The following ANO4 variants were observed in gnomAD, a reference collection of about 807,000 sequenced individuals.
ANO4 encodes anoctamin 4.
Under a neutral mutation model 141.9 loss-of-function variants are expected in ANO4, and 69 were observed. The observed-to-expected ratio is 0.49, with a 90% CI of 0.40 to 0.59. The LOEUF (loss-of-function observed/expected upper bound fraction) is 0.59. ANO4 is among the 20% of genes least tolerant of loss of function. The pLI is 0.00. For synonymous variants in ANO4, 350 were observed against 394.3 expected (o/e 0.89, Z 1.33); for missense variants, 894 against 1,162.2 (o/e 0.77, Z 3.36).
intron 14 of ANO4, among the ~76,000 whole-genome samples, chr12:101,059,463 A>G (rs2048259379): frequency 6.6e-6 from 1 of 152,220 alleles, no homozygotes; most frequent in African/African-American, 2.4e-5. Context: ...TACCTGTGGT[A>G]GAATTCAGCT....
intron 14 of ANO4, among the ~76,000 whole-genome samples, chr12:101,054,568 C>T (rs1174196180): frequency 2.0e-5 from 3 of 152,214 alleles, no homozygotes; most frequent in African/African-American, 4.8e-5. Flanking sequence ...GGCACAATCT[C>T]GGCTCATTGC....
chr12:100,931,170 G>A (rs148087626), intron 3 of ANO4, among the ~76,000 whole-genome samples: 7 of 152,176 alleles, frequency 4.6e-5, no homozygotes, highest in Admixed American at 2.0e-4. Context: ...GGGCTTGCTC[G>A]TGTCATATAC....
In ANO4 at chr12:100,888,050, T is replaced by A. The variant is rs577441242; in HGVS notation, c.-140-13596T>A. 9.2e-5 allele frequency among the ~76,000 whole-genome samples: 14 copies of A among 152,170 alleles called. No homozygotes were observed. The East Asian group carries it at 2.5e-3, about 27-fold the overall frequency. On this transcript the variant is annotated intron_variant, in intron 1 of 27. Transcript: ENST00000392977. ...TTAAGTATCACAGGGTGAGACAAAG[T>A]GAGAAATTCAGGATTTAGATTGGCA...
chr12:100,722,055 G>A (rs1466900267), intron 1 of ANO4, among the ~76,000 whole-genome samples: 1 of 152,056 alleles, frequency 6.6e-6, no homozygotes, highest in East Asian at 1.9e-4. Context: ...TCACTAAGAA[G>A]TTAAAATGCA....
intron 14 of ANO4, among the ~76,000 whole-genome samples, chr12:101,062,933 G>C (rs2048411469): frequency 6.6e-6 from 1 of 152,218 alleles, no homozygotes; most frequent in Non-Finnish European, 1.5e-5. Flanking sequence ...ACTGGGGTAT[G>C]AAAAATAATT....
intron 3 of ANO4, among the ~76,000 whole-genome samples, chr12:100,767,299 GTTTC>G (rs1274327667): frequency 6.6e-6 from 1 of 151,872 alleles, no homozygotes; most frequent in Non-Finnish European, 1.5e-5. Flanking sequence ...TCTTAACTGT[GTTTC>G]TTTGTGATTT....
chr12:100,994,528 A>G (rs145816463), intron 8 of ANO4, among the ~76,000 whole-genome samples: 68 of 152,354 alleles, frequency 4.5e-4, no homozygotes, highest in African/African-American at 1.6e-3. Flanking sequence ...AAATAGATCA[A>G]TTCTGATTGT....
At chr12:100,862,420 C>G (rs144936870) in intron 1 of ANO4, among the ~76,000 whole-genome samples, 7,205 of 152,214 alleles carry the variant, frequency 0.047, 226 homozygotes, top group Middle Eastern at 0.095. Context: ...CTCCCAGGTT[C>G]AAGTGATTCT....
At chr12:100,855,282 G>A (rs1369401110) in intron 1 of ANO4, among the ~76,000 whole-genome samples, 1 of 151,656 alleles carries the variant, frequency 6.6e-6, no homozygotes, top group African/African-American at 2.4e-5. Context: ...TCTACTTTCT[G>A]CCTTTAGCTT....
chr12:100,751,992 A>G (rs1050238218), intron 3 of ANO4, among the ~76,000 whole-genome samples: 2 of 152,208 alleles, frequency 1.3e-5, no homozygotes, highest in African/African-American at 2.4e-5. Context: ...GTGACTTATC[A>G]TGTTACCTTC....
At position 100,873,952 on chromosome 12, in the gene ANO4, T is replaced by C. The variant is rs555044015; in HGVS notation, c.-140-27694T>C. Among the ~76,000 whole-genome samples, 6 of 152,340 alleles carry C rather than the reference T, an allele frequency of 3.9e-5. 1 individual carries two copies. The highest frequency in any genetic ancestry group is 1.4e-4 in the African/African-American group (6 of 41,592). On this transcript the variant is annotated intron_variant, in intron 1 of 27. Coordinates refer to ENST00000392977, the MANE Select transcript of ANO4 (RefSeq NM_001286615.2). Reference sequence around the variant, plus strand: ...TGCGCTACCTCAGGACACTGCTCCCTGTGTCCTAGCTGCTCCAGCTCCAGC... The same window carrying C: ...TGCGCTACCTCAGGACACTGCTCCCCGTGTCCTAGCTGCTCCAGCTCCAGC...
At chr12:100,778,828 G>A (rs750577654) in intron 3 of ANO4, among the ~76,000 whole-genome samples, 8 of 152,134 alleles carry the variant, frequency 5.3e-5, no homozygotes, top group African/African-American at 1.9e-4. Context: ...CACCCGCCAC[G>A]TAGATTCTAC....
At chr12:100,970,659 C>CT (rs1566071629) in intron 5 of ANO4, among the ~76,000 whole-genome samples, 1 of 113,636 alleles carries the variant, frequency 8.8e-6, no homozygotes, top group Non-Finnish European at 2.0e-5. Flanking sequence ...CTCCCTCCCT[C>CT]CCTCTCCTTC....
chr12:100,808,595 T>C (rs2035205820), intron 1 of ANO4, among the ~76,000 whole-genome samples: 1 of 152,232 alleles, frequency 6.6e-6, no homozygotes. Flanking sequence ...ATTCTTCCTA[T>C]ATATTTTGGC....
chr12:101,080,472 T>C (rs1021505001), intron 15 of ANO4, among the ~76,000 whole-genome samples: 1 of 152,122 alleles, frequency 6.6e-6, no homozygotes, highest in Non-Finnish European at 1.5e-5. Flanking sequence ...TTCATGTTTT[T>C]ATAAATATTC....
At chr12:100,726,927 G>C (rs1217120862) in intron 1 of ANO4, among the ~76,000 whole-genome samples, 3 of 151,660 alleles carry the variant, frequency 2.0e-5, no homozygotes, top group African/African-American at 7.3e-5. Flanking sequence ...ACACAGAAAA[G>C]TGCAGATAAT....
intron 5 of ANO4, among the ~76,000 whole-genome samples, chr12:100,964,998 CT>C (rs941489712): frequency 2.0e-5 from 3 of 152,274 alleles, no homozygotes; most frequent in African/African-American, 7.2e-5. Flanking sequence ...TTCCCAGCAC[CT>C]AGGACAGGCC....
chr12:100,823,627 C>T (rs1204959544), intron 1 of ANO4, among the ~76,000 whole-genome samples: 1 of 151,968 alleles, frequency 6.6e-6, no homozygotes, highest in African/African-American at 2.4e-5. Context: ...TTATATTAAA[C>T]AATTTTAAAA....
chr12:100,856,460 A>G (rs1334664057), intron 1 of ANO4, among the ~76,000 whole-genome samples: 1 of 152,196 alleles, frequency 6.6e-6, no homozygotes, highest in African/African-American at 2.4e-5. Context: ...GAGGATAGAA[A>G]GTAAATACAG....
Sources: gnomAD v4.1 joint callset for allele counts (sites outside exome capture counted in the v4.1 genomes callset) on GRCh38, gnomAD v4.1.1 for gene constraint, MANE v1.5 for transcripts, NCBI Gene and HGNC (gene_info 2026-07-23, HGNC 2026-07-21) for gene names.